Variants in NUB1 observed in about 807,000 individuals in gnomAD.
The protein encoded by NUB1 is NEDD8 ultimate buster 1.
A neutral mutation model predicts 77.1 loss-of-function variants in NUB1; 41 were observed. The observed-to-expected ratio is 0.53, with a 90% CI of 0.41 to 0.69. The LOEUF (loss-of-function observed/expected upper bound fraction) is 0.69. Among genes scored for constraint, NUB1 ranks in the 30% least tolerant of loss-of-function variants. NUB1 has a pLI of 0.00. For missense variants in NUB1, 643 were observed against 743.8 expected (o/e 0.86, Z 1.58); for synonymous variants, 257 against 281.0 (o/e 0.91, Z 0.85).
At chr7:151,376,986 G>C (rs949387311) in intron 14 of NUB1, 61 bp from the exon 15 acceptor site, 2 of 1,445,906 alleles carry the variant, frequency 1.4e-6, no homozygotes, top group South Asian at 1.4e-5. Flanking sequence ...GACTGTGGTC[G>C]TGCAGTGTCC....
At chr7:151,367,758 T>C in intron 9 of NUB1, 103 bp from the exon 10 acceptor site, 3 of 704,590 alleles carry the variant, frequency 4.3e-6, no homozygotes, top group South Asian at 3.7e-5. Flanking sequence ...TTAATACCTA[T>C]CATGTTGCCC....
chr7:151,358,425 A>G (rs892121284), intron 7 of NUB1, among the ~76,000 whole-genome samples: 4 of 152,140 alleles, frequency 2.6e-5, no homozygotes, highest in African/African-American at 9.7e-5. Flanking sequence ...GAACTGGGCC[A>G]CATAGCAGGT....
intron 5 of NUB1, among the ~76,000 whole-genome samples, chr7:151,355,269 G>A (rs1797011653): frequency 6.6e-6 from 1 of 152,236 alleles, no homozygotes; most frequent in Admixed American, 6.5e-5. Context: ...GATGAATTTA[G>A]TTGATTCTAT....
At chr7:151,362,821 A>G (rs1045935141) in intron 8 of NUB1, among the ~76,000 whole-genome samples, 1 of 152,232 alleles carries the variant, frequency 6.6e-6, no homozygotes, top group Non-Finnish European at 1.5e-5. Context: ...GGGCTGGGCA[A>G]GGTACCACAT....
At chr7:151,346,111 A>C (rs1376463088) in intron 2 of NUB1, among the ~76,000 whole-genome samples, 1 of 152,224 alleles carries the variant, frequency 6.6e-6, no homozygotes, top group African/African-American at 2.4e-5. Context: ...ACATGATGTA[A>C]CATTTATCAG....
At chr7:151,352,552 C>T (rs760942466) in intron 4 of NUB1, among the ~76,000 whole-genome samples, 9 of 152,156 alleles carry the variant, frequency 5.9e-5, no homozygotes, top group Non-Finnish European at 1.3e-4. Flanking sequence ...AAGCAATCCT[C>T]CTACCCAAAC....
chr7:151,359,743 C>G (rs560345739), intron 7 of NUB1, among the ~76,000 whole-genome samples: 2 of 152,232 alleles, frequency 1.3e-5, no homozygotes, highest in South Asian at 4.2e-4. Flanking sequence ...CACCACTGCC[C>G]TCCAGCCTGG....
intron 1 of NUB1, 143 bp from the exon 2 acceptor site, chr7:151,345,205 G>C: frequency 2.0e-6 from 1 of 506,434 alleles, no homozygotes; most frequent in Non-Finnish European, 3.6e-6. Flanking sequence ...GAAGTCTGGA[G>C]CTCATTTAAA....
chr7:151,367,731 G>A (rs145874890), intron 9 of NUB1, 130 bp from the exon 10 acceptor site: 23 of 616,052 alleles, frequency 3.7e-5, no homozygotes, highest in Middle Eastern at 3.1e-4. Flanking sequence ...GTCAGTCATA[G>A]TGAAGCCATG....
intron 4 of NUB1, 57 bp downstream of exon 4, chr7:151,351,539 T>C: frequency 8.0e-7 from 1 of 1,257,720 alleles, no homozygotes; most frequent in Non-Finnish European, 1.1e-6. Flanking sequence ...CATTGGCTTA[T>C]TTGATCCTCT....
intron 12 of NUB1, 44 bp from the exon 13 acceptor site, chr7:151,375,804 A>T (rs1386534754): frequency 7.7e-7 from 1 of 1,302,732 alleles, no homozygotes; most frequent in Non-Finnish European, 1.1e-6. Context: ...TGAATGTGTG[A>T]AGAGTTCTTA....
intron 8 of NUB1, among the ~76,000 whole-genome samples, chr7:151,363,884 C>T (rs1199168902): frequency 2.0e-5 from 3 of 151,940 alleles, no homozygotes; most frequent in African/African-American, 7.3e-5. Flanking sequence ...ACCTCTGCCT[C>T]CTGGGTTCAA....
intron 5 of NUB1, among the ~76,000 whole-genome samples, chr7:151,353,884 A>G (rs1372481931): frequency 6.6e-6 from 1 of 151,982 alleles, no homozygotes; most frequent in Non-Finnish European, 1.5e-5. Flanking sequence ...GCAATTTCCC[A>G]TTGTCTATTT....
intron 2 of NUB1, 72 bp from the exon 3 acceptor site, chr7:151,349,001 T>C: frequency 1.4e-6 from 2 of 1,434,010 alleles, no homozygotes; most frequent in Non-Finnish European, 1.9e-6. Flanking sequence ...CCTTAGAGTC[T>C]TTCATGCCCT....
Position 151,367,103 on chromosome 7 carries a change from A to G in NUB1, c.965A>G (p.His322Arg), listed in dbSNP as rs764799304. 5 of 1,613,756 alleles carry G rather than the reference A, an allele frequency of 3.1e-6. No individual in the cohort carries two copies. The highest frequency in any genetic ancestry group is 1.7e-5 in the Admixed American group (1 of 59,986). Residue 322 changes from histidine (H) to arginine (R), a missense_variant, in exon 9 of 15, where the codon CAT (histidine) becomes CGT (arginine). His to Arg is a conservative substitution (Grantham distance 29). Coordinates refer to ENST00000568733, the MANE Select transcript of NUB1 (RefSeq NM_001243351.2). ...KCFKNCYGEN[H>R]QRLVHIKGNC... ...TTTAAAAATTGTTACGGAGAAAATC[A>G]TCAGAGACTGGTCCACATAAAAGTA...
chr7:151,356,322 A>G (rs1797061998), intron 7 of NUB1, 100 bp downstream of exon 7: 2 of 857,356 alleles, frequency 2.3e-6, no homozygotes, highest in East Asian at 5.3e-5. Context: ...AAAGGGTTGG[A>G]AACAGTGCTC....
chr7:151,353,556 T>C (rs1796920037), intron 5 of NUB1, among the ~76,000 whole-genome samples: 1 of 152,198 alleles, frequency 6.6e-6, no homozygotes, highest in Non-Finnish European at 1.5e-5. Flanking sequence ...GCGCAGCTGT[T>C]GGGAAACGAG....
At chr7:151,345,945 G>C (rs959283745) in intron 2 of NUB1, among the ~76,000 whole-genome samples, 1 of 152,042 alleles carries the variant, frequency 6.6e-6, no homozygotes, top group Non-Finnish European at 1.5e-5. Flanking sequence ...GTTTTTCATG[G>C]CATCATCAGA....
chr7:151,368,522 G>A (rs755190386), intron 10 of NUB1, among the ~76,000 whole-genome samples: 14 of 152,320 alleles, frequency 9.2e-5, no homozygotes, highest in East Asian at 1.9e-4. Flanking sequence ...CTCTTACCTC[G>A]TGTTGTGCTG....
Sources: allele counts gnomAD v4.1 joint callset (sites outside exome capture counted in the v4.1 genomes callset), GRCh38; gene constraint gnomAD v4.1.1; transcripts MANE v1.5; gene names NCBI Gene and HGNC (gene_info 2026-07-23, HGNC 2026-07-21).